CDH13: variants seen among roughly 807,000 people sequenced by gnomAD.
CDH13 encodes the protein cadherin-13.
CDH13 carries 24 observed loss-of-function variants against 63.8 expected under a neutral mutation model. The observed-to-expected ratio is 0.38, with a 90% CI of 0.27 to 0.53. CDH13 has a LOEUF of 0.53. CDH13 is among the 20% of genes least tolerant of loss of function. The pLI is 0.85. For synonymous variants in CDH13, 503 were observed against 355.3 expected (o/e 1.42, Z -4.67); for missense variants, 1,049 against 903.1 (o/e 1.16, Z -2.07).
At chr16:82,773,792 T>TTC (rs1016621845) in intron 1 of CDH13, among the ~76,000 whole-genome samples, 6 of 139,620 alleles carry the variant, frequency 4.3e-5, no homozygotes, top group African/African-American at 1.3e-4. Context: ...CTTCTTCTTC[T>TTC]TTTTTTTTTT....
intron 7 of CDH13, among the ~76,000 whole-genome samples, chr16:83,579,717 C>A (rs564331732): frequency 6.6e-6 from 1 of 152,080 alleles, no homozygotes; most frequent in Non-Finnish European, 1.5e-5. Context: ...TGGAGCTGTA[C>A]TGATGTGAAT....
In CDH13 at chr16:82,644,602, G is replaced by A. The variant is rs1445396897; in HGVS notation, c.45+17465G>A. On this transcript the variant is annotated intron_variant, in intron 1 of 13. Transcript: ENST00000567109. The surrounding 1 kb of genome is among the most constrained non-coding windows in gnomAD (Gnocchi z 5.7). ...GGCTTTATGGAGGCAAAGCTGAGGG[G>A]CTGTACGTGTCTTCATAGGTCTCCA... Among the ~76,000 whole-genome samples the A allele has an allele frequency of 6.6e-6, 1 of 152,194 alleles. No homozygotes were observed. The highest frequency in any genetic ancestry group is 1.5e-5 in the Non-Finnish European group (1 of 68,034).
chr16:83,596,918 T>G lies in CDH13; in HGVS notation c.961-5536T>G, dbSNP rs76164877. Among the ~76,000 whole-genome samples, 503 of 152,314 alleles carry G rather than the reference T, an allele frequency of 3.3e-3. 4 individuals carry two copies. Among genetic ancestry groups the G allele is most frequent in the African/African-American group, 0.012 (482 of 41,564 alleles). ...GGCCAATAAACTTTTTATATTAGAA[T>G]TGCTTTTAAAAGTGAAAACTTGGGC... On this transcript the variant is annotated intron_variant, in intron 7 of 13. Transcript: ENST00000567109.
At chr16:83,379,249 C>T (rs926850546) in intron 6 of CDH13, among the ~76,000 whole-genome samples, 2 of 152,146 alleles carry the variant, frequency 1.3e-5, no homozygotes, top group Non-Finnish European at 2.9e-5. Context: ...CACTGACTAC[C>T]TCTCCCTCAA....
At chr16:83,385,123 T>C (rs1357830796) in intron 6 of CDH13, among the ~76,000 whole-genome samples, 1 of 152,214 alleles carries the variant, frequency 6.6e-6, no homozygotes. Flanking sequence ...CTTAGACATA[T>C]ATATTTTTTG....
chr16:83,335,732 C>T (rs1419689202), intron 5 of CDH13, among the ~76,000 whole-genome samples: 4 of 152,048 alleles, frequency 2.6e-5, no homozygotes, highest in Non-Finnish European at 5.9e-5. Flanking sequence ...TGTGAAAATC[C>T]CTATCCTGTT....
At chr16:83,655,856 G>T (rs1912822528) in intron 8 of CDH13, among the ~76,000 whole-genome samples, 1 of 152,202 alleles carries the variant, frequency 6.6e-6, no homozygotes, top group African/African-American at 2.4e-5. Flanking sequence ...GTTGTAGAGA[G>T]AAAGTGGCAG....
At chr16:83,238,228 A>AT (rs1057181310) in intron 5 of CDH13, among the ~76,000 whole-genome samples, 10 of 151,860 alleles carry the variant, frequency 6.6e-5, no homozygotes, top group Admixed American at 1.3e-4. Flanking sequence ...TCATTTAAAA[A>AT]AAAAAGAGAG....
chr16:82,733,347 C>A (rs145769496), intron 1 of CDH13, among the ~76,000 whole-genome samples: 1 of 150,202 alleles, frequency 6.7e-6, no homozygotes, highest in African/African-American at 2.4e-5. Context: ...TTCTGTTTTT[C>A]TTATTATAAT....
chr16:83,420,701 C>G (rs1323964328), intron 6 of CDH13, among the ~76,000 whole-genome samples: 24 of 152,192 alleles, frequency 1.6e-4, no homozygotes, highest in Admixed American at 1.5e-3. Context: ...CCACTATAGG[C>G]CATCTGCAAG....
At chr16:83,765,217 G>A (rs1914284822) in intron 11 of CDH13, among the ~76,000 whole-genome samples, 1 of 152,208 alleles carries the variant, frequency 6.6e-6, no homozygotes, top group African/African-American at 2.4e-5. Flanking sequence ...CATCCAGGCA[G>A]AGGGTAGAGT....
At chr16:83,138,395 C>T (rs983732178) in intron 4 of CDH13, among the ~76,000 whole-genome samples, 1 of 151,892 alleles carries the variant, frequency 6.6e-6, no homozygotes, top group Non-Finnish European at 1.5e-5. Flanking sequence ...ATCGAGAAGG[C>T]AGAAGAAGTA....
At chr16:83,168,890 CA>C (rs2037803589) in intron 4 of CDH13, among the ~76,000 whole-genome samples, 2 of 152,084 alleles carry the variant, frequency 1.3e-5, no homozygotes, top group Non-Finnish European at 2.9e-5. Context: ...CATGGACTCT[CA>C]ATTTATTGAA....
At chr16:83,042,093 C>T (rs746571335) in intron 3 of CDH13, among the ~76,000 whole-genome samples, 9 of 152,204 alleles carry the variant, frequency 5.9e-5, no homozygotes, top group Non-Finnish European at 1.3e-4. Context: ...GCCATGATGC[C>T]ATCTAACCTT....
chr16:83,503,399 C>A (rs2074328147), intron 7 of CDH13, among the ~76,000 whole-genome samples: 1 of 152,130 alleles, frequency 6.6e-6, no homozygotes, highest in African/African-American at 2.4e-5. Context: ...AACAACACGC[C>A]ACATCTACCT....
At chr16:82,686,122 C>T (rs1567626263) in intron 1 of CDH13, among the ~76,000 whole-genome samples, 1 of 152,158 alleles carries the variant, frequency 6.6e-6, no homozygotes, top group African/African-American at 2.4e-5. Flanking sequence ...GTAATGCATC[C>T]TCATCTTAAT....
chr16:83,340,668 G>C (rs1284582385), intron 5 of CDH13, among the ~76,000 whole-genome samples: 1 of 152,148 alleles, frequency 6.6e-6, no homozygotes, highest in Non-Finnish European at 1.5e-5. Flanking sequence ...TTTCTAACCA[G>C]CTCCTGGGGG....
At chr16:83,289,683 C>T (rs1282942506) in intron 5 of CDH13, among the ~76,000 whole-genome samples, 1 of 152,046 alleles carries the variant, frequency 6.6e-6, no homozygotes. Context: ...CTAGCTGGAC[C>T]ATTTATCAGC....
intron 10 of CDH13, among the ~76,000 whole-genome samples, chr16:83,720,042 C>T (rs1285131850): frequency 1.3e-5 from 2 of 152,170 alleles, no homozygotes; most frequent in East Asian, 3.9e-4. Flanking sequence ...GCTTGTCTTC[C>T]TGGCGGGTTG....
Sources: allele counts gnomAD v4.1 joint callset (sites outside exome capture counted in the v4.1 genomes callset), GRCh38; gene constraint gnomAD v4.1.1; non-coding constraint Gnocchi (gnomAD v3.1); transcripts MANE v1.5; gene names NCBI Gene and HGNC (gene_info 2026-07-23, HGNC 2026-07-21).